The following SUGCT variants were observed in gnomAD, a reference collection of about 807,000 sequenced individuals.
The protein encoded by SUGCT is succinyl-CoA:glutarate-CoA transferase.
Under a neutral mutation model 55.0 loss-of-function variants are expected in SUGCT, and 41 were observed. That is an observed-to-expected ratio of 0.74 (90% CI 0.58 to 0.97). The LOEUF is 0.97. Among genes scored for constraint, SUGCT ranks in the 50% least tolerant of loss-of-function variants. The pLI is 0.00. For synonymous variants in SUGCT, 187 were observed against 200.4 expected, an observed-to-expected ratio of 0.93 and a Z score of 0.56; for missense variants, 568 against 547.8, an observed-to-expected ratio of 1.04 and a Z score of -0.37.
At chr7:40,789,720 A>C (rs1398326929) in intron 13 of SUGCT, among the ~76,000 whole-genome samples, 1 of 152,206 alleles carries the variant, frequency 6.6e-6, no homozygotes, top group Non-Finnish European at 1.5e-5. Context: ...AGAGTCCTAA[A>C]GAGTAAAAGC....
the SUGCT span, among the ~76,000 whole-genome samples, chr7:40,903,667 C>T: frequency 1.1e-4 from 17 of 152,280 alleles, no homozygotes; most frequent in South Asian, 1.0e-3. Flanking sequence ...TGCAGAAAGA[C>T]GAGTTCTTTC....
intron 9 of SUGCT, among the ~76,000 whole-genome samples, chr7:40,364,804 T>C (rs1266853983): frequency 6.6e-6 from 1 of 152,038 alleles, no homozygotes; most frequent in Non-Finnish European, 1.5e-5. Context: ...CAGGACCAGA[T>C]GGATTCACAG....
intron 13 of SUGCT, among the ~76,000 whole-genome samples, chr7:40,776,367 T>A (rs907632564): frequency 7.2e-5 from 11 of 152,156 alleles, no homozygotes; most frequent in African/African-American, 2.7e-4. Flanking sequence ...GTTTTGTTGG[T>A]GTCTTTTTTT....
chr7:40,376,631 A>T (rs1784560321), intron 9 of SUGCT, among the ~76,000 whole-genome samples: 1 of 152,048 alleles, frequency 6.6e-6, no homozygotes, highest in South Asian at 2.1e-4. Context: ...ACCTCAGGTG[A>T]TCCACCTGCC....
chr7:40,263,074 C>T (rs1791332665), intron 7 of SUGCT, among the ~76,000 whole-genome samples: 1 of 152,132 alleles, frequency 6.6e-6, no homozygotes, highest in African/African-American at 2.4e-5. Flanking sequence ...AGGTGCGTGC[C>T]ACCATATCTG....
chr7:40,421,400 C>A (rs1787300009), intron 9 of SUGCT, among the ~76,000 whole-genome samples: 1 of 152,124 alleles, frequency 6.6e-6, no homozygotes, highest in Non-Finnish European at 1.5e-5. Context: ...GACTCAGGAC[C>A]AGTGGCTCCT....
At chr7:40,446,400 T>C (rs1206886671) in intron 9 of SUGCT, among the ~76,000 whole-genome samples, 1 of 152,142 alleles carries the variant, frequency 6.6e-6, no homozygotes. Context: ...TTGTCAATGG[T>C]TCCTTGCAAT....
chr7:40,623,471 G>C (rs1299905967), intron 12 of SUGCT, among the ~76,000 whole-genome samples: 10 of 152,028 alleles, frequency 6.6e-5, no homozygotes, highest in Non-Finnish European at 1.5e-5. Flanking sequence ...TATTCTACAA[G>C]TACAATTTAT....
At chr7:40,452,209 T>A (rs118135500) in intron 10 of SUGCT, among the ~76,000 whole-genome samples, 4,537 of 152,306 alleles carry the variant, frequency 0.03, 133 homozygotes, top group Non-Finnish European at 0.04. Flanking sequence ...AAGTGAACCT[T>A]GTTCATAACA....
At chr7:40,435,791 C>T (rs888612883) in intron 9 of SUGCT, among the ~76,000 whole-genome samples, 1 of 152,024 alleles carries the variant, frequency 6.6e-6, no homozygotes, top group African/African-American at 2.4e-5. Context: ...GTTTCTGAGC[C>T]TCATCCTCAT....
chr7:40,279,405 C>A (rs1395361528), intron 8 of SUGCT, among the ~76,000 whole-genome samples: 1 of 152,024 alleles, frequency 6.6e-6, no homozygotes, highest in Admixed American at 6.6e-5. Context: ...ACAGGTGATT[C>A]CTCCAAAGAA....
chr7:40,853,833 C>A (rs1029390595), intron 13 of SUGCT, among the ~76,000 whole-genome samples: 1 of 152,186 alleles, frequency 6.6e-6, no homozygotes, highest in Non-Finnish European at 1.5e-5. Context: ...AAGCCATAGT[C>A]CACAGTCATA....
intron 12 of SUGCT, among the ~76,000 whole-genome samples, chr7:40,723,415 G>T (rs554003879): frequency 6.6e-6 from 1 of 152,100 alleles, no homozygotes; most frequent in Middle Eastern, 3.2e-3. Context: ...CCTTTCCAGC[G>T]GGTGTAGGGG....
At chr7:40,678,008 T>G (rs1784080968) in intron 12 of SUGCT, among the ~76,000 whole-genome samples, 1 of 152,154 alleles carries the variant, frequency 6.6e-6, no homozygotes, top group Non-Finnish European at 1.5e-5. Context: ...CAGCTTCAGT[T>G]TCTCCCCAGT....
chr7:40,846,998 A>G (rs1323620699), intron 13 of SUGCT, among the ~76,000 whole-genome samples: 2 of 152,244 alleles, frequency 1.3e-5, no homozygotes. Context: ...TCAATAAATA[A>G]TAGCTAGTAT....
intron 13 of SUGCT, among the ~76,000 whole-genome samples, chr7:40,842,716 A>G (rs189056850): frequency 4.0e-4 from 61 of 152,326 alleles, no homozygotes; most frequent in Non-Finnish European, 4.4e-5. Context: ...TTTTTATCCA[A>G]CTTATAAAGT....
intron 12 of SUGCT, among the ~76,000 whole-genome samples, chr7:40,655,760 G>T (rs1383988205): frequency 1.3e-5 from 2 of 152,126 alleles, no homozygotes; most frequent in African/African-American, 2.4e-5. Flanking sequence ...TATGCCAGGA[G>T]ATACATTTCA....
intron 8 of SUGCT, among the ~76,000 whole-genome samples, chr7:40,275,560 T>A (rs1218981803): frequency 6.6e-6 from 1 of 152,202 alleles, no homozygotes; most frequent in Non-Finnish European, 1.5e-5. Context: ...AATTGTAATA[T>A]GATACAAAGA....
chr7:40,378,994 C>T (rs1172070329), intron 9 of SUGCT, among the ~76,000 whole-genome samples: 1 of 152,056 alleles, frequency 6.6e-6, no homozygotes, highest in East Asian at 1.9e-4. Context: ...GGAAGTTAGC[C>T]TGGATTATCT....
Sources: allele counts gnomAD v4.1 joint callset (sites outside exome capture counted in the v4.1 genomes callset), GRCh38; gene constraint gnomAD v4.1.1; transcripts MANE v1.5; gene names NCBI Gene and HGNC (gene_info 2026-07-23, HGNC 2026-07-21).